Variants in AURKA observed in about 807,000 individuals in gnomAD.
AURKA encodes the protein aurora kinase A, also known as aurora 2.
AURKA carries 12 observed loss-of-function variants against 40.9 expected under a neutral mutation model. That is an observed-to-expected ratio of 0.29 (90% CI 0.19 to 0.48). AURKA has a LOEUF of 0.48. Among genes scored for constraint, AURKA ranks in the 20% least tolerant of loss-of-function variants. The probability of loss-of-function intolerance (pLI) is 0.99; values close to 1 mark genes in which losing one functional copy is unlikely to be tolerated. For synonymous variants in AURKA, 170 were observed against 164.3 expected (o/e 1.03, Z -0.26); for missense variants, 322 against 462.1 (o/e 0.70, Z 2.78).
chr20:56,378,543 A>G (rs1985257318), intron 6 of AURKA, among the ~76,000 whole-genome samples: 2 of 152,328 alleles, frequency 1.3e-5, no homozygotes, highest in Admixed American at 1.3e-4. Context: ...TATGTGCCCA[A>G]CTAATTTGAA....
At chr20:56,385,513 A>C (rs1478698617) in intron 3 of AURKA, among the ~76,000 whole-genome samples, 2 of 151,594 alleles carry the variant, frequency 1.3e-5, no homozygotes, top group Non-Finnish European at 2.9e-5. Flanking sequence ...CCAGGCTAGA[A>C]TGCAATGGCA....
chr20:56,385,248 T>C (rs1368151372), intron 3 of AURKA, among the ~76,000 whole-genome samples: 2 of 152,188 alleles, frequency 1.3e-5, no homozygotes, highest in Non-Finnish European at 2.9e-5. Flanking sequence ...GCTACCTTCA[T>C]GAAGTGGTTA....
intron 6 of AURKA, 62 bp downstream of exon 6, chr20:56,381,371 A>G: frequency 6.3e-7 from 1 of 1,595,138 alleles, no homozygotes; most frequent in Non-Finnish European, 8.6e-7. Flanking sequence ...TGAAAGGTAC[A>G]TTGCTATGGA....
intron 1 of AURKA, among the ~76,000 whole-genome samples, chr20:56,390,922 A>G (rs1010006477): frequency 2.6e-5 from 4 of 152,174 alleles, no homozygotes; most frequent in Admixed American, 6.5e-5. Flanking sequence ...TTTATTCAAC[A>G]TTCTTCTGAC....
rs1488445064 is a variant in AURKA, at chr20:56,370,289, A to C, written c.1081T>G (p.Ser361Ala). ...FVTEGARDLISRLLKHNPSQR... is the reference protein window; with the variant it reads ...FVTEGARDLIARLLKHNPSQR... Reference sequence around the variant, plus strand: ...CTGGGATTATGCTTCAACAGTCTTGAAATGAGGTCCCTGGCTCCCTCTGTT... The same window carrying C: ...CTGGGATTATGCTTCAACAGTCTTGCAATGAGGTCCCTGGCTCCCTCTGTT... Residue 361 changes from serine (S) to alanine (A), a missense_variant, in exon 9 of 9, where the codon TCA becomes GCA. Physicochemically the swap from Ser to Ala is moderately conservative, Grantham distance 99 (BLOSUM62 1). Coordinates refer to ENST00000395915, the MANE Select transcript of AURKA (RefSeq NM_198437.3). 1 of 1,614,206 alleles carries C rather than the reference A, an allele frequency of 6.2e-7. No homozygotes were observed. The highest frequency in any genetic ancestry group is 8.5e-7 in the Non-Finnish European group (1 of 1,180,044).
chr20:56,370,013 G>A lies in AURKA; in HGVS notation c.*145C>T, dbSNP rs1569031831. The A allele has an allele frequency of 9.7e-7, 1 of 1,030,244 alleles. No homozygotes were observed. Among genetic ancestry groups the A allele is most frequent in the South Asian group, 1.3e-5 (1 of 77,204 alleles). 63.8% of individuals were successfully genotyped at this position (1,030,244 alleles called of 1,614,324 possible). On this transcript the variant is annotated 3_prime_UTR_variant, in exon 9 of 9. Transcript: ENST00000395915. The stretch of plus-strand genomic sequence containing the variant: ...GGAGCTTTCTGAATAGGGAGGTTAA[G>A]GCACACCTGCTGAGTAAAACAAATA...
Position 56,373,357 on chromosome 20 carries a change from GC to G in AURKA, c.854+50del. ...ATATTTTACATTTAGCTCACGGTTA[GC>G]TCCCAGGGCTTTGGTAAACCAAACA... On this transcript the variant is annotated intron_variant, in intron 7 of 8. Coordinates refer to ENST00000395915, the MANE Select transcript of AURKA (RefSeq NM_198437.3). This position sits in a 1 kb window ranked among gnomAD's most constrained non-coding sequence, Gnocchi z 5.0. The G allele has an allele frequency of 1.2e-6, 2 of 1,611,902 alleles. No homozygotes were observed. The highest frequency in any genetic ancestry group is 2.2e-5 in the East Asian group (1 of 44,872).
At chr20:56,385,413 C>T (rs961289931) in intron 3 of AURKA, among the ~76,000 whole-genome samples, 11 of 152,076 alleles carry the variant, frequency 7.2e-5, no homozygotes, top group African/African-American at 2.7e-4. Context: ...CTGTCTGGTA[C>T]TCCTAAATCC....
chr20:56,374,724 C>T (rs975784300), intron 6 of AURKA, among the ~76,000 whole-genome samples: 21 of 152,120 alleles, frequency 1.4e-4, no homozygotes, highest in Non-Finnish European at 2.9e-4. Context: ...ACATGAGCCA[C>T]TGCACCCGAC....
intron 6 of AURKA, among the ~76,000 whole-genome samples, chr20:56,380,980 C>T (rs1490586228): frequency 6.6e-6 from 1 of 152,116 alleles, no homozygotes; most frequent in African/African-American, 2.4e-5. Flanking sequence ...TTCACAATTT[C>T]TGTAAATCTA....
In AURKA at chr20:56,370,314, T is replaced by C; in HGVS notation, c.1056A>G (p.Val352=). The C allele has an allele frequency of 6.2e-7, 1 of 1,614,192 alleles. No homozygotes were observed. Among genetic ancestry groups the C allele is most frequent in the Admixed American group, 1.7e-5 (1 of 60,014 alleles). ...SRVEFTFPDF[V]TEGARDLISR... ...AAATGAGGTCCCTGGCTCCCTCTGT[T>C]ACAAAGTCAGGGAATGTGAATTCAA... Residue 352 remains valine (V), a synonymous_variant, in exon 9 of 9, where the codon GTA becomes GTG. Coordinates refer to ENST00000395915, the MANE Select transcript of AURKA (RefSeq NM_198437.3).
chr20:56,387,298 G>A (rs894535220), intron 2 of AURKA, among the ~76,000 whole-genome samples: 3 of 152,094 alleles, frequency 2.0e-5, no homozygotes, highest in Non-Finnish European at 2.9e-5. Flanking sequence ...GACGACAGGC[G>A]CCTGCCACCA....
chr20:56,375,302 T>A (rs888908871), intron 6 of AURKA, among the ~76,000 whole-genome samples: 15 of 148,856 alleles, frequency 1.0e-4, no homozygotes, highest in Non-Finnish European at 1.5e-4. Context: ...TAATTTTTAA[T>A]CTTTCTTTTT....
chr20:56,383,270 G>C lies in AURKA; in HGVS notation c.375-94C>G, dbSNP rs528993129. 3 of 1,350,128 alleles carry C rather than the reference G, an allele frequency of 2.2e-6. No homozygotes were observed. In the East Asian group the frequency reaches 7.1e-5, roughly 32 times the overall value. 83.6% of individuals were successfully genotyped at this position (1,350,128 alleles called of 1,614,324 possible). ...GCAGACACATTCTACAAATAATTTC[G>C]TATTCCAACTTCACTCAATATGCAT... On this transcript the variant is annotated intron_variant, in intron 4 of 8. Transcript: ENST00000395915.
chr20:56,371,711 C>T (rs1452972170), intron 7 of AURKA, among the ~76,000 whole-genome samples: 1 of 150,992 alleles, frequency 6.6e-6, no homozygotes, highest in African/African-American at 2.4e-5. Flanking sequence ...AAAGCATGGG[C>T]TTTGGTTGAG....
chr20:56,369,809 AG>A lies in AURKA; in HGVS notation c.*348del. The A allele has an allele frequency of 2.1e-6, 1 of 469,154 alleles. No homozygotes were observed. The highest frequency in any genetic ancestry group is 2.1e-5 in the South Asian group (1 of 47,120). The allele number at this position is 469,154 out of a possible 1,614,324, so 29.1% of individuals were successfully genotyped here. ...CACAGCTCCTTAACTGATCGGGGTCAGGGCAGAGTGGTCACTTTCCCCACAG... is the reference window on the plus strand; with the variant it reads ...CACAGCTCCTTAACTGATCGGGGTCAGGCAGAGTGGTCACTTTCCCCACAG... On this transcript the variant is annotated 3_prime_UTR_variant, in exon 9 of 9. Transcript: ENST00000395915.
intron 1 of AURKA, chr20:56,390,508 T>C (rs1986951284): frequency 1.3e-5 from 2 of 152,118 alleles, no homozygotes; most frequent in Admixed American, 6.5e-5. Flanking sequence ...GGTTTCTCTA[T>C]GTTGGTAGGG....
chr20:56,389,393 C>G (rs767130441), intron 1 of AURKA, among the ~76,000 whole-genome samples: 6 of 152,148 alleles, frequency 3.9e-5, no homozygotes, highest in Admixed American at 6.5e-5. Context: ...CCAGGCACCT[C>G]AATCCTAACA....
intron 6 of AURKA, among the ~76,000 whole-genome samples, chr20:56,379,792 T>C (rs1167249808): frequency 6.6e-6 from 1 of 150,972 alleles, no homozygotes. Context: ...CAAAACCCCA[T>C]CTCTACTAAA....
Sources: allele counts gnomAD v4.1 joint callset (sites outside exome capture counted in the v4.1 genomes callset), GRCh38; gene constraint gnomAD v4.1.1; non-coding constraint Gnocchi (gnomAD v3.1); transcripts MANE v1.5; gene names NCBI Gene and HGNC (gene_info 2026-07-23, HGNC 2026-07-21).